The following WDFY3 variants were observed in gnomAD, a reference collection of about 807,000 sequenced individuals.
WDFY3 encodes the protein WD repeat and FYVE domain containing 3, also known as WD repeat and FYVE domain-containing protein 3.
Under a neutral mutation model 409.6 loss-of-function variants are expected in WDFY3, and 66 were observed. That is an observed-to-expected ratio of 0.16 (90% CI 0.13 to 0.20). The LOEUF is 0.20. WDFY3 is among the 10% of genes least tolerant of loss of function. The pLI is 1.00. For synonymous variants in WDFY3, 1,521 were observed against 1,537.1 expected (o/e 0.99, Z 0.25); for missense variants, 3,031 against 4,298.1 (o/e 0.71, Z 8.24).
intron 3 of WDFY3, among the ~76,000 whole-genome samples, chr4:84,890,979 C>G (rs889493826): frequency 6.6e-6 from 1 of 152,084 alleles, no homozygotes; most frequent in Non-Finnish European, 1.5e-5. Context: ...TTAAGTGCCA[C>G]AAAACATTAT....
At chr4:84,721,616 C>G (rs1483198397) in intron 46 of WDFY3, 44 bp from the exon 47 acceptor site, 2 of 1,590,548 alleles carry the variant, frequency 1.3e-6, no homozygotes, top group Non-Finnish European at 1.7e-6. Context: ...TTGTAAGGAC[C>G]TTGTGGGGAA....
At chr4:84,769,501 G>A (rs1744256037) in intron 30 of WDFY3, among the ~76,000 whole-genome samples, 1 of 151,978 alleles carries the variant, frequency 6.6e-6, no homozygotes, top group South Asian at 2.1e-4. Context: ...TGCAAGCTCC[G>A]CCTCCTGGGT....
At chr4:84,863,428 G>A (rs1760938370) in intron 3 of WDFY3, among the ~76,000 whole-genome samples, 1 of 152,114 alleles carries the variant, frequency 6.6e-6, no homozygotes, top group Non-Finnish European at 1.5e-5. Flanking sequence ...ACAGGTGTGA[G>A]GGGATATCTT....
intron 10 of WDFY3, among the ~76,000 whole-genome samples, chr4:84,824,530 G>A (rs1754570167): frequency 6.6e-6 from 1 of 152,178 alleles, no homozygotes. Context: ...TATGATTACA[G>A]TGTATTAAGT....
intron 44 of WDFY3, among the ~76,000 whole-genome samples, chr4:84,727,794 C>T (rs1735907696): frequency 6.6e-6 from 1 of 152,118 alleles, no homozygotes; most frequent in African/African-American, 2.4e-5. Context: ...CAAGGCAAAA[C>T]CATGGCCCAC....
At chr4:84,874,481 T>C (rs1395699745) in intron 3 of WDFY3, among the ~76,000 whole-genome samples, 1 of 152,132 alleles carries the variant, frequency 6.6e-6, no homozygotes, top group Non-Finnish European at 1.5e-5. Context: ...GTTGATTCCC[T>C]ATTGTCTAAG....
At chr4:84,681,118 AC>A (rs915120866) in intron 64 of WDFY3, among the ~76,000 whole-genome samples, 1 of 151,914 alleles carries the variant, frequency 6.6e-6, no homozygotes, top group Non-Finnish European at 1.5e-5. Flanking sequence ...TTTACATTTC[AC>A]CCCAGCAAGT....
At chr4:84,926,180 G>A (rs1248114944) in intron 2 of WDFY3, among the ~76,000 whole-genome samples, 26 of 143,946 alleles carry the variant, frequency 1.8e-4, no homozygotes, top group African/African-American at 6.3e-4. Context: ...ACTCCAGCCT[G>A]GGCGACAGAG....
In WDFY3 at chr4:84,828,996, A is replaced by C; in HGVS notation, c.956+8T>G. The stretch of plus-strand genomic sequence containing the variant: ...TTTAAAATACATTCTTAAATTGAGC[A>C]GTCTTACCTAAGCAAGAGATCACAA... On this transcript the variant is annotated splice_region_variant and intron_variant, in intron 9 of 67. Coordinates refer to ENST00000295888, the MANE Select transcript of WDFY3 (RefSeq NM_014991.6). 6.3e-7 allele frequency: 1 copy of C among 1,574,910 alleles called. No individual in the cohort carries two copies. The highest frequency in any genetic ancestry group is 8.6e-7 in the Non-Finnish European group (1 of 1,160,924).
At chr4:84,803,169 T>C in intron 16 of WDFY3, 121 bp downstream of exon 16, 1 of 1,113,328 alleles carries the variant, frequency 9.0e-7, no homozygotes, top group African/African-American at 1.6e-5. Context: ...TTTTTTCCCC[T>C]TCAGCTACTT....
At chr4:84,797,650 G>A (rs942790692) in intron 18 of WDFY3, among the ~76,000 whole-genome samples, 2 of 151,464 alleles carry the variant, frequency 1.3e-5, no homozygotes, top group Non-Finnish European at 1.5e-5. Flanking sequence ...GCGCGATCTC[G>A]GCTCACTGCA....
At position 84,809,857 on chromosome 4, in the gene WDFY3, T is replaced by C. The variant is rs749482853; in HGVS notation, c.2345+30A>G. ...TTGAAGTCATGCTTAGTATACACCC[T>C]TTAATTCAGAGGACAGAGCAGAGCC... On this transcript the variant is annotated intron_variant, in intron 14 of 67. Coordinates refer to ENST00000295888, the MANE Select transcript of WDFY3 (RefSeq NM_014991.6). 8 of 1,597,586 alleles carry C rather than the reference T, an allele frequency of 5.0e-6. No individual in the cohort carries two copies. In the South Asian group the frequency reaches 9.0e-5, roughly 18 times the overall value.
intron 32 of WDFY3, among the ~76,000 whole-genome samples, chr4:84,759,106 ATAGT>A (rs1742015961): frequency 6.6e-6 from 1 of 152,128 alleles, no homozygotes; most frequent in Non-Finnish European, 1.5e-5. Flanking sequence ...CAAAGATCAG[ATAGT>A]TGTAGATATG....
chr4:84,939,653 CTTGA>C (rs1270094957), intron 1 of WDFY3, among the ~76,000 whole-genome samples: 7 of 151,958 alleles, frequency 4.6e-5, no homozygotes, highest in South Asian at 2.1e-4. Context: ...ATTATACTTA[CTTGA>C]TTATTAAATT....
chr4:84,734,121 A>G (rs557309712), intron 43 of WDFY3, among the ~76,000 whole-genome samples: 2 of 152,346 alleles, frequency 1.3e-5, no homozygotes, highest in East Asian at 3.9e-4. Context: ...ATGCAGCACT[A>G]AGAGGAAACT....
intron 1 of WDFY3, among the ~76,000 whole-genome samples, chr4:84,947,514 A>AAATAATAATAATAAT (rs200130662): frequency 6.4e-5 from 9 of 140,542 alleles, no homozygotes; most frequent in Non-Finnish European, 1.4e-4. Context: ...TCCGTCTCAA[A>AAATAATAATAATAAT]AATAATAATA....
chr4:84,893,426 T>C (rs1765196603), intron 3 of WDFY3, among the ~76,000 whole-genome samples: 1 of 152,212 alleles, frequency 6.6e-6, no homozygotes, highest in African/African-American at 2.4e-5. Context: ...TCTCCTCACT[T>C]CACTTAAGTT....
Position 84,678,980 on chromosome 4 carries a change from G to T in WDFY3, c.10086C>A (p.Gly3362=), listed in dbSNP as rs199576062. 1 of 1,614,208 alleles carries T rather than the reference G, an allele frequency of 6.2e-7. No homozygotes were observed. The highest frequency in any genetic ancestry group is 2.2e-5 in the East Asian group (1 of 44,886). Residue 3362 remains glycine, a synonymous_variant, in exon 65 of 68, where the codon GGC becomes GGA. Coordinates refer to ENST00000295888, the MANE Select transcript of WDFY3 (RefSeq NM_014991.6). ...SEGQTRAHLQ[G]PLSHPHPNPI... ...GATTGGGGTGGGGGTGGCTAAGGGG[G>T]CCCTGCAGATGGGCTCTGGTCTGGC...
intron 1 of WDFY3, among the ~76,000 whole-genome samples, chr4:84,965,297 GC>G (rs1338036719): frequency 4.6e-5 from 7 of 152,110 alleles, no homozygotes; most frequent in Non-Finnish European, 7.4e-5. Flanking sequence ...AAACCAGTTG[GC>G]AACCATTACT....
Sources: allele counts gnomAD v4.1 joint callset (sites outside exome capture counted in the v4.1 genomes callset), GRCh38; gene constraint gnomAD v4.1.1; transcripts MANE v1.5; gene names NCBI Gene and HGNC (gene_info 2026-07-23, HGNC 2026-07-21).